Variants in DNAH10 observed in about 807,000 individuals in gnomAD.
The protein encoded by DNAH10 is axonemal beta dynein heavy chain 10.
Under a neutral mutation model 506.6 loss-of-function variants are expected in DNAH10, and 348 were observed. The ratio of observed to expected loss-of-function variants is 0.69; its 90% confidence interval spans 0.63 to 0.75. The LOEUF (loss-of-function observed/expected upper bound fraction) is 0.75, where lower values mean the gene tolerates loss of function less well. Among genes scored for constraint, DNAH10 ranks in the 30% least tolerant of loss-of-function variants. The pLI, the probability that DNAH10 is intolerant of heterozygous loss-of-function variation, is 0.00. For synonymous variants in DNAH10, 2,059 were observed against 2,198.6 expected (o/e 0.94, Z 1.78); for missense variants, 5,179 against 5,787.1 (o/e 0.89, Z 3.41).
chr12:123,896,148 C>CACACACACACACACACAGAGAGAG (rs1383690518), intron 54 of DNAH10, among the ~76,000 whole-genome samples: 1 of 95,272 alleles, frequency 1.0e-5, no homozygotes, highest in African/African-American at 5.2e-5. Context: ...CACACACACA[C>CACACACACACACACACAGAGAGAG]AGAGAGAGAG....
At chr12:123,820,037 A>C (rs1959234572) in intron 23 of DNAH10, among the ~76,000 whole-genome samples, 1 of 152,190 alleles carries the variant, frequency 6.6e-6, no homozygotes, top group Non-Finnish European at 1.5e-5. Flanking sequence ...AATTTGGTAA[A>C]TACCATGAGA....
chr12:123,913,007 C>A lies in DNAH10; in HGVS notation c.10135-91C>A. The A allele has an allele frequency of 1.7e-6, 2 of 1,195,518 alleles. No homozygotes were observed. Among genetic ancestry groups the A allele is most frequent in the Non-Finnish European group, 2.4e-6 (2 of 849,916 alleles). The allele number at this position is 1,195,518 out of a possible 1,614,324, so 74.1% of individuals were successfully genotyped here. ...CTGAAAAGCACAGACACCATTAGAGCAGTTTAGACATGTGGCCTGGTTTGA... is the reference window on the plus strand; with the variant it reads ...CTGAAAAGCACAGACACCATTAGAGAAGTTTAGACATGTGGCCTGGTTTGA... On this transcript the variant is annotated intron_variant, in intron 59 of 78. Coordinates refer to ENST00000673944, the MANE Select transcript of DNAH10 (RefSeq NM_001372106.1). The surrounding 1 kb of genome is among the most constrained non-coding windows in gnomAD (Gnocchi z 5.1).
intron 45 of DNAH10, among the ~76,000 whole-genome samples, chr12:123,871,826 T>C (rs1473902061): frequency 1.3e-5 from 2 of 152,202 alleles, no homozygotes; most frequent in African/African-American, 2.4e-5. Context: ...GGATCCTCAT[T>C]TGAGATGACG....
At chr12:123,860,029 C>CT (rs532514237) in intron 38 of DNAH10, among the ~76,000 whole-genome samples, 1 of 145,388 alleles carries the variant, frequency 6.9e-6, no homozygotes, top group South Asian at 2.2e-4. Flanking sequence ...GACCTTCTCT[C>CT]TAAAAAAAAA....
Position 123,800,314 on chromosome 12 carries a change from G to C in DNAH10, c.2388G>C (p.Lys796Asn). The change falls in exon 15 of 79, where the codon AAG (lysine) becomes AAC (asparagine). Residue 796 changes from lysine to asparagine, a missense_variant. This residue lies in a region of DNAH10 where 4,844 missense variants were observed against 5,430.5 expected (regional missense o/e 0.89). Coordinates refer to ENST00000673944, the MANE Select transcript of DNAH10 (RefSeq NM_001372106.1). ...PALREIINET[K>N]YLEQLGFTVP... ...TCAGAGAGATTATTAATGAAACAAAGTACTTAGAGCAGCTGGGGTTCACTG... is the reference window on the plus strand; with the variant it reads ...TCAGAGAGATTATTAATGAAACAAACTACTTAGAGCAGCTGGGGTTCACTG... The C allele has an allele frequency of 6.2e-7, 1 of 1,614,134 alleles. No individual in the cohort carries two copies. The highest frequency in any genetic ancestry group is 8.5e-7 in the Non-Finnish European group (1 of 1,180,016).
rs541406042 is a variant in DNAH10 at position 123,903,662 on chromosome 12, G to A, written c.9815+549G>A. Among the ~76,000 whole-genome samples, 22 of 152,322 alleles carry A rather than the reference G, an allele frequency of 1.4e-4. No homozygotes were observed. Among genetic ancestry groups the A allele is most frequent in the African/African-American group, 4.6e-4 (19 of 41,572 alleles). On this transcript the variant is annotated intron_variant, in intron 57 of 78. Coordinates refer to ENST00000673944, the MANE Select transcript of DNAH10 (RefSeq NM_001372106.1). This position sits in a 1 kb window ranked among gnomAD's most constrained non-coding sequence, Gnocchi z 4.6. ...ACCAGAGGGCTCATCTGCTGTCAGCGAGGGTAACGTGGTGTGGCGTGGGCT... is the reference window on the plus strand; with the variant it reads ...ACCAGAGGGCTCATCTGCTGTCAGCAAGGGTAACGTGGTGTGGCGTGGGCT...
At chr12:123,807,060 G>A (rs184928702) in intron 18 of DNAH10, among the ~76,000 whole-genome samples, 4 of 152,212 alleles carry the variant, frequency 2.6e-5, no homozygotes, top group East Asian at 1.9e-4. Flanking sequence ...GAGCCACCGC[G>A]CCTGGCCCTG....
At chr12:123,843,774 C>T (rs542205327) in intron 30 of DNAH10, among the ~76,000 whole-genome samples, 6 of 152,294 alleles carry the variant, frequency 3.9e-5, no homozygotes, top group Middle Eastern at 6.8e-3. Context: ...GACAGGGTTT[C>T]GCCATGTTGG....
At chr12:123,764,938 G>A (rs1253103512) in intron 1 of DNAH10, among the ~76,000 whole-genome samples, 1 of 152,030 alleles carries the variant, frequency 6.6e-6, no homozygotes, top group African/African-American at 2.4e-5. Flanking sequence ...AACTCCACAC[G>A]TTGTCACTCA....
In DNAH10 at chr12:123,910,618, A is replaced by C; in HGVS notation, c.10080A>C (p.Glu3360Asp). The stretch of plus-strand genomic sequence containing the variant: ...GGCTGGGGATGCTGAAATTTGTTGA[A>C]GCTGTAATGGGCTACTGTGATGTTT... ...KAGLGMLKFV[E>D]AVMGYCDVFR... is the part of the protein sequence containing the mutation. Residue 3360 changes from glutamate (E) to aspartate (D), a missense_variant, in exon 59 of 79, where the codon GAA becomes GAC. Coordinates refer to ENST00000673944, the MANE Select transcript of DNAH10 (RefSeq NM_001372106.1). The C allele has an allele frequency of 6.2e-7, 1 of 1,612,376 alleles. No homozygotes were observed. Among genetic ancestry groups the C allele is most frequent in the Non-Finnish European group, 8.5e-7 (1 of 1,179,842 alleles).
At chr12:123,831,989 A>G (rs1263353039) in intron 26 of DNAH10, among the ~76,000 whole-genome samples, 1 of 152,152 alleles carries the variant, frequency 6.6e-6, no homozygotes, top group African/African-American at 2.4e-5. Flanking sequence ...TTCATCACTG[A>G]ATGAAACATC....
At position 123,841,285 on chromosome 12, in the gene DNAH10, G is replaced by A. The variant is rs368527746; in HGVS notation, c.5137-37G>A. ...GGCTGGTCTTTGATTCCAGAACTCC[G>A]TGCAGGTCTTACAGGGCTGCCTCTC... On this transcript the variant is annotated intron_variant, in intron 29 of 78. Coordinates refer to ENST00000673944, the MANE Select transcript of DNAH10 (RefSeq NM_001372106.1). The A allele has an allele frequency of 1.0e-4, 167 of 1,603,534 alleles. 1 individual carries two copies. The highest frequency in any genetic ancestry group is 1.3e-4 in the Non-Finnish European group (151 of 1,170,466).
intron 52 of DNAH10, 131 bp downstream of exon 52, chr12:123,887,444 G>A (rs905025909): frequency 5.5e-6 from 6 of 1,092,482 alleles, no homozygotes; most frequent in East Asian, 5.5e-5. Flanking sequence ...CCTCCCTCAC[G>A]GCGGCCCCTG....
chr12:123,800,646 A>G (rs533072396), intron 15 of DNAH10, among the ~76,000 whole-genome samples: 3 of 151,214 alleles, frequency 2.0e-5, no homozygotes, highest in South Asian at 4.2e-4. Flanking sequence ...TGATTGCTCT[A>G]TCTCCAGCCT....
At chr12:123,801,168 A>G (rs183917636) in intron 15 of DNAH10, 113 bp from the exon 16 acceptor site, 21 of 1,146,168 alleles carry the variant, frequency 1.8e-5, no homozygotes, top group Non-Finnish European at 2.4e-5. Flanking sequence ...AAATCTCTTG[A>G]TCAAGGTTGG....
intron 29 of DNAH10, among the ~76,000 whole-genome samples, chr12:123,840,548 G>A (rs1950738116): frequency 6.6e-6 from 1 of 151,844 alleles, no homozygotes; most frequent in Non-Finnish European, 1.5e-5. Context: ...GGGATTACAG[G>A]CATGAGCTAT....
intron 65 of DNAH10, among the ~76,000 whole-genome samples, chr12:123,920,599 C>A (rs1468070642): frequency 6.6e-6 from 1 of 152,178 alleles, no homozygotes; most frequent in East Asian, 1.9e-4. Context: ...ATTATCATAT[C>A]CCCAAATTAA....
In DNAH10 at chr12:123,871,588, A is replaced by G; in HGVS notation, c.7771A>G (p.Ser2591Gly). Residue 2591 changes from serine (S) to glycine (G), a missense_variant, in exon 45 of 79, where the codon AGT becomes GGT. Around this residue, in one of 3 missense-constraint regions of DNAH10, gnomAD observed 4,844 missense variants for 5,430.5 expected, o/e 0.89. Transcript: ENST00000673944. Reference protein sequence around the residue: ...ATTQNFLKNLSEETNIVLMVN... With the variant: ...ATTQNFLKNLGEETNIVLMVN... ...TACCCAGAATTTCCTCAAAAATCTG[A>G]GTGAAGAAACTAACGTAAGTCATTA... The G allele has an allele frequency of 6.4e-7, 1 of 1,550,574 alleles. No individual in the cohort carries two copies. The highest frequency in any genetic ancestry group is 8.7e-7 in the Non-Finnish European group (1 of 1,147,036).
At chr12:123,934,539 G>A (rs562253031) in intron 77 of DNAH10, 82 bp from the exon 78 acceptor site, 8 of 1,551,944 alleles carry the variant, frequency 5.2e-6, no homozygotes, top group Admixed American at 3.7e-5. Flanking sequence ...CCTGTGTGTC[G>A]CTGTGTGTGC....
Sources: allele counts gnomAD v4.1 joint callset (sites outside exome capture counted in the v4.1 genomes callset), GRCh38; gene constraint gnomAD v4.1.1; regional missense constraint gnomAD v4.1.1; non-coding constraint Gnocchi (gnomAD v3.1); transcripts MANE v1.5; gene names NCBI Gene and HGNC (gene_info 2026-07-23, HGNC 2026-07-21).